Variants in UGDH observed in about 807,000 individuals in gnomAD.
UGDH encodes UDP-Glc dehydrogenase.
UGDH carries 38 observed loss-of-function variants against 50.6 expected under a neutral mutation model. That is an observed-to-expected ratio of 0.75 (90% CI 0.58 to 0.98). The LOEUF is 0.98. Among genes scored for constraint, UGDH ranks in the 50% least tolerant of loss-of-function variants. The pLI is 0.00. For synonymous variants in UGDH, 168 were observed against 199.9 expected, an observed-to-expected ratio of 0.84 and a Z score of 1.35; for missense variants, 465 against 606.2, an observed-to-expected ratio of 0.77 and a Z score of 2.45.
In UGDH at chr4:39,509,779, C is replaced by T. The variant is rs116145557; in HGVS notation, c.792G>A (p.Lys264=). The part of the protein sequence containing the change: ...AIGMDQRIGN[K]FLKASVGFGG... The stretch of plus-strand genomic sequence containing the variant: ...ATTTACCAACACTGGCTTTTAGAAA[C>T]TTGTTTCCAATTCTCTGGTCCATTC... Residue 264 remains lysine, a synonymous_variant, in exon 6 of 12, where the codon AAG becomes AAA. Coordinates refer to ENST00000316423, the MANE Select transcript of UGDH (RefSeq NM_003359.4). 1.0e-4 allele frequency: 164 copies of T among 1,603,872 alleles called. 2 individuals carry two copies. The African/African-American group carries it at 1.6e-3, about 16-fold the overall frequency.
In UGDH at chr4:39,503,960, T is replaced by C; in HGVS notation, c.1289A>G (p.Lys430Arg). Reference protein sequence around the residue: ...FKELDYERIHKKMLKPAFIFD... With the variant: ...FKELDYERIHRKMLKPAFIFD... ...GATAAAGGCTGGCTTTAGCATTTTT[T>C]TATGAATGCGTTCATAATCCAATTC... Residue 430 changes from lysine (K) to arginine (R), a missense_variant, in exon 11 of 12, where the codon AAA (lysine) becomes AGA (arginine). By Grantham distance (26) the Lys-to-Arg change is conservative (BLOSUM62 2). Transcript: ENST00000316423. 3.1e-6 allele frequency: 5 copies of C among 1,614,156 alleles called. No individual in the cohort carries two copies. The highest frequency in any genetic ancestry group is 4.2e-6 in the Non-Finnish European group (5 of 1,180,010).
At chr4:39,517,765 T>TA (rs1353288986) in intron 2 of UGDH, among the ~76,000 whole-genome samples, 1 of 152,178 alleles carries the variant, frequency 6.6e-6, no homozygotes, top group Non-Finnish European at 1.5e-5. Context: ...TTTTGAAACT[T>TA]ACGCAAATGG....
intron 7 of UGDH, among the ~76,000 whole-genome samples, chr4:39,508,015 A>C (rs1241364063): frequency 6.6e-6 from 1 of 152,074 alleles, no homozygotes; most frequent in Non-Finnish European, 1.5e-5. Flanking sequence ...CTGGGAGCAA[A>C]TTAGAATACT....
rs970406524 is a variant in UGDH at position 39,527,326 on chromosome 4, G to T, written c.-51C>A. 1.1e-4 allele frequency: 31 copies of T among 285,362 alleles called. No individual in the cohort carries two copies. The highest frequency in any genetic ancestry group is 6.5e-4 in the African/African-American group (29 of 44,666). 17.7% of individuals were successfully genotyped at this position (285,362 alleles called of 1,614,324 possible). ...CGCAGGGACCGCTCCTATCCCGATC[G>T]TTCGGACAGCACCTTCCTACGGGCC... On this transcript the variant is annotated 5_prime_UTR_variant, in exon 1 of 12. Coordinates refer to ENST00000316423, the MANE Select transcript of UGDH (RefSeq NM_003359.4).
At chr4:39,519,537 AAT>A (rs201195708) in intron 2 of UGDH, among the ~76,000 whole-genome samples, 5 of 151,012 alleles carry the variant, frequency 3.3e-5, no homozygotes, top group African/African-American at 4.9e-5. Flanking sequence ...ATATAGTAGT[AAT>A]ATATATATAT....
intron 10 of UGDH, 75 bp downstream of exon 10, chr4:39,504,342 A>C: frequency 7.3e-7 from 1 of 1,375,662 alleles, no homozygotes; most frequent in Non-Finnish European, 1.0e-6. Context: ...AAACACATAC[A>C]TGAACACATA....
chr4:39,514,831 C>CG (rs1560265964), intron 2 of UGDH, among the ~76,000 whole-genome samples: 3 of 151,870 alleles, frequency 2.0e-5, no homozygotes, highest in East Asian at 1.9e-4. Context: ...TACAGGCATG[C>CG]ACCACCACAC....
intron 7 of UGDH, among the ~76,000 whole-genome samples, chr4:39,507,614 T>C (rs1746078186): frequency 6.6e-6 from 1 of 152,082 alleles, no homozygotes; most frequent in African/African-American, 2.4e-5. Flanking sequence ...AACGTTATAA[T>C]ATAGGTTCTT....
chr4:39,510,649 C>A lies in UGDH; in HGVS notation c.465+12G>T, dbSNP rs1209126970. 6.2e-7 allele frequency: 1 copy of A among 1,614,088 alleles called. No homozygotes were observed. ...TAAGAATAACCAGATTCTAATGCTT[C>A]ATTTTTTATACCTGTAAATTCAAGT... On this transcript the variant is annotated intron_variant, in intron 4 of 11. Transcript: ENST00000316423.
intron 3 of UGDH, among the ~76,000 whole-genome samples, chr4:39,512,095 A>T (rs1746270630): frequency 1.3e-5 from 2 of 152,118 alleles, no homozygotes; most frequent in African/African-American, 4.8e-5. Flanking sequence ...ACCTTGGAGA[A>T]GTGTGGCTGC....
intron 11 of UGDH, among the ~76,000 whole-genome samples, chr4:39,502,828 C>G (rs544413360): frequency 6.6e-6 from 1 of 152,152 alleles, no homozygotes; most frequent in African/African-American, 2.4e-5. Context: ...CTCATTACAA[C>G]CTCTGCCTGC....
chr4:39,515,356 C>G (rs1422108494), intron 2 of UGDH, among the ~76,000 whole-genome samples: 1 of 152,136 alleles, frequency 6.6e-6, no homozygotes, highest in Non-Finnish European at 1.5e-5. Flanking sequence ...TATGAATGCA[C>G]ATTTTTACTC....
chr4:39,506,848 A>G (rs1746048477), intron 7 of UGDH, among the ~76,000 whole-genome samples: 1 of 152,174 alleles, frequency 6.6e-6, no homozygotes, highest in African/African-American at 2.4e-5. Flanking sequence ...CACTAATTGT[A>G]TCTGTTTTCA....
At chr4:39,523,634 A>G (rs10031615) in intron 1 of UGDH, among the ~76,000 whole-genome samples, 108,802 of 151,684 alleles carry the variant, frequency 0.72, 39,195 homozygotes, top group East Asian at 0.9. Context: ...ACAAAACCCC[A>G]TCTCTACTAA....
intron 2 of UGDH, 97 bp from the exon 3 acceptor site, chr4:39,514,281 T>C: frequency 2.0e-6 from 2 of 993,018 alleles, no homozygotes. Flanking sequence ...GGCATGGTAA[T>C]ATTGTAATTT....
intron 1 of UGDH, among the ~76,000 whole-genome samples, chr4:39,526,708 TC>T (rs1746910557): frequency 6.6e-6 from 1 of 152,108 alleles, no homozygotes; most frequent in African/African-American, 2.4e-5. Flanking sequence ...GGAAAGGCCT[TC>T]CCCGACATCA....
chr4:39,500,067 T>A lies in UGDH; in HGVS notation c.*76A>T. ...AAAAAACACTTGGTTCATTTACCAT[T>A]TAATAGCAGATAGATATTTGCTATC... On this transcript the variant is annotated 3_prime_UTR_variant, in exon 12 of 12. Coordinates refer to ENST00000316423, the MANE Select transcript of UGDH (RefSeq NM_003359.4). 1.2e-6 allele frequency: 1 copy of A among 857,080 alleles called. No homozygotes were observed. The highest frequency in any genetic ancestry group is 1.8e-6 in the Non-Finnish European group (1 of 549,784). 53.1% of individuals were successfully genotyped at this position (857,080 alleles called of 1,614,324 possible).
rs1746659642 is a variant in UGDH, at chr4:39,521,476, C to A, written c.37G>T (p.Gly13Cys). 6.2e-7 allele frequency: 1 copy of A among 1,609,428 alleles called. No homozygotes were observed. Among genetic ancestry groups the A allele is most frequent in the Non-Finnish European group, 8.5e-7 (1 of 1,177,944 alleles). ...EIKKICCIGAGYVGGPTCSVI... is the reference protein window; with the variant it reads ...EIKKICCIGACYVGGPTCSVI... ...CTACATGTGGGTCCTCCAACATAGC[C>A]TGCACCGATGCAACAGATCTTCTTA... is the stretch of plus-strand genomic sequence containing the variant. Residue 13 changes from glycine (G) to cysteine (C), a missense_variant, in exon 2 of 12, where the codon GGC becomes TGC. Coordinates refer to ENST00000316423, the MANE Select transcript of UGDH (RefSeq NM_003359.4).
chr4:39,504,498 G>A lies in UGDH; in HGVS notation c.1182C>T (p.Leu394=), dbSNP rs757337442. The change falls in exon 10 of 12, where the codon CTC becomes CTT. Residue 394 remains leucine, a synonymous_variant. Coordinates refer to ENST00000316423, the MANE Select transcript of UGDH (RefSeq NM_003359.4). ...GVSEDDQVSR[L]VTISKDPYEA... is the part of the protein sequence containing the mutation. Reference sequence around the variant, plus strand: ...CATATGGATCCTTGGAAATGGTCACGAGCCGGGACACTGTAACAATAGCAA... The same window carrying A: ...CATATGGATCCTTGGAAATGGTCACAAGCCGGGACACTGTAACAATAGCAA... 12 of 1,613,598 alleles carry A rather than the reference G, an allele frequency of 7.4e-6. No homozygotes were observed. The highest frequency in any genetic ancestry group is 2.7e-5 in the African/African-American group (2 of 74,848).
Sources: allele counts gnomAD v4.1 joint callset (sites outside exome capture counted in the v4.1 genomes callset), GRCh38; gene constraint gnomAD v4.1.1; transcripts MANE v1.5; gene names NCBI Gene and HGNC (gene_info 2026-07-23, HGNC 2026-07-21).